The following PCDH15 variants were observed in gnomAD, a reference collection of about 807,000 sequenced individuals.
The protein encoded by PCDH15 is protocadherin related 15, also known as protocadherin-15.
In PCDH15, 129 loss-of-function variants were observed where a neutral mutation model predicts 178.5. The ratio of observed to expected loss-of-function variants is 0.72; its 90% CI spans 0.63 to 0.84. The LOEUF (loss-of-function observed/expected upper bound fraction) is 0.84, where lower values mean the gene tolerates loss of function less well. Ranked by LOEUF, PCDH15 falls within the 40% of genes least tolerant of loss-of-function variation. PCDH15 has a pLI of 0.00. For synonymous variants in PCDH15, 800 were observed against 732.0 expected (o/e 1.09, Z -1.50); for missense variants, 2,230 against 2,099.9 (o/e 1.06, Z -1.21).
chr10:54,877,316 T>A (rs1197482305), intron 3 of PCDH15, among the ~76,000 whole-genome samples: 2 of 152,172 alleles, frequency 1.3e-5, no homozygotes. Context: ...ACACACAATA[T>A]CTTCACAGTA....
intron 2 of PCDH15, among the ~76,000 whole-genome samples, chr10:55,076,200 A>C: frequency 6.6e-6 from 1 of 152,126 alleles, no homozygotes; most frequent in East Asian, 1.9e-4. Flanking sequence ...AAGAATGTAT[A>C]TTTTGCAGTT....
rs960803847 is a variant in PCDH15, at chr10:55,547,216, A to G, written c.-156+80409T>C. ...GCTTCCCTTTAACTAATATGAAGGC[A>G]TATCAGAGAGGATCCCCTCCATGGT... On this transcript the variant is annotated intron_variant, in intron 2 of 5. Transcript: ENST00000613346. Among the ~76,000 whole-genome samples the G allele has an allele frequency of 2.0e-5, 3 of 152,298 alleles. 1 individual carries two copies. The highest frequency in any genetic ancestry group is 4.1e-4 in the South Asian group (2 of 4,834).
intron 2 of PCDH15, among the ~76,000 whole-genome samples, chr10:54,903,580 T>TG (rs1334130336): frequency 6.6e-6 from 1 of 151,802 alleles, no homozygotes; most frequent in African/African-American, 2.4e-5. Flanking sequence ...GTTTTTTTTT[T>TG]GGGAAAAAGT....
chr10:54,803,162 T>C (rs2133718521), upstream of PCDH15, among the ~76,000 whole-genome samples: 1 of 152,296 alleles, frequency 6.6e-6, no homozygotes, highest in African/African-American at 2.4e-5. Context: ...CTCCCCTGCA[T>C]TGTAAAGTCC....
intron 1 of PCDH15, among the ~76,000 whole-genome samples, chr10:55,257,471 T>C (rs879979936): frequency 6.6e-6 from 1 of 151,984 alleles, no homozygotes; most frequent in Non-Finnish European, 1.5e-5. Context: ...GTTAAAAACC[T>C]TGAAAAAAAA....
chr10:54,978,061 A>T (rs568064689), intron 2 of PCDH15, among the ~76,000 whole-genome samples: 1 of 152,322 alleles, frequency 6.6e-6, no homozygotes, highest in Admixed American at 6.5e-5. Flanking sequence ...CCTGAATTAA[A>T]TTCGAGAAAG....
chr10:54,760,959 C>A (rs1467904478), intron 1 of PCDH15, among the ~76,000 whole-genome samples: 3 of 152,020 alleles, frequency 2.0e-5, no homozygotes, highest in African/African-American at 7.3e-5. Flanking sequence ...CAATACTATA[C>A]AATACAATAT....
intron 2 of PCDH15, among the ~76,000 whole-genome samples, chr10:55,030,670 T>C (rs1043979737): frequency 1.3e-5 from 2 of 152,214 alleles, no homozygotes; most frequent in Non-Finnish European, 2.9e-5. Context: ...CTGTTTTGTT[T>C]ATTTAAACTA....
intron 13 of PCDH15, among the ~76,000 whole-genome samples, chr10:54,168,515 T>TCCTCACA (rs1363385310): frequency 3.3e-5 from 5 of 152,146 alleles, no homozygotes; most frequent in Non-Finnish European, 7.3e-5. Context: ...TCGCCTCCCC[T>TCCTCACA]CCTCACACCT....
At position 54,439,818 on chromosome 10, in the gene PCDH15, C is replaced by T. The variant is rs1032124111; in HGVS notation, c.158-60876G>A. On this transcript the variant is annotated intron_variant, in intron 3 of 37. Coordinates refer to ENST00000644397, the MANE Select transcript of PCDH15 (RefSeq NM_001384140.1). The stretch of plus-strand genomic sequence containing the variant: ...CCAGTTTCTCAAAAATGAGTAGAAA[C>T]GACTTTTCAATGCAAATGCCAGTTT... Among the ~76,000 whole-genome samples the T allele has an allele frequency of 3.2e-4, 48 of 151,904 alleles. 1 individual carries two copies. The highest frequency in any genetic ancestry group is 2.6e-3 in the Admixed American group (40 of 15,218).
intron 3 of PCDH15, among the ~76,000 whole-genome samples, chr10:54,806,720 G>A (rs1297263017): frequency 6.6e-6 from 1 of 152,020 alleles, no homozygotes; most frequent in Non-Finnish European, 1.5e-5. Flanking sequence ...TCCTCACCTC[G>A]TGATCCACCC....
At chr10:55,522,387 T>C (rs1415477686) in intron 2 of PCDH15, among the ~76,000 whole-genome samples, 1 of 151,820 alleles carries the variant, frequency 6.6e-6, no homozygotes, top group African/African-American at 2.4e-5. Flanking sequence ...TCTGTCTGGA[T>C]GATCTATCCA....
chr10:54,111,871 A>G (rs2132711417), intron 15 of PCDH15, among the ~76,000 whole-genome samples: 1 of 151,740 alleles, frequency 6.6e-6, no homozygotes, highest in Middle Eastern at 3.4e-3. Context: ...TCACGCCTGT[A>G]GTCCCAGCAG....
intron 28 of PCDH15, among the ~76,000 whole-genome samples, chr10:53,843,680 C>T (rs1192409483): frequency 6.6e-6 from 1 of 151,794 alleles, no homozygotes; most frequent in Non-Finnish European, 1.5e-5. Flanking sequence ...ATTTCCTCTC[C>T]CCAACTTCGT....
chr10:55,336,559 A>G (rs575624605), intron 2 of PCDH15, among the ~76,000 whole-genome samples: 5 of 152,192 alleles, frequency 3.3e-5, no homozygotes, highest in Non-Finnish European at 4.4e-5. Context: ...AGTAATTCAT[A>G]AAACCTTTAT....
chr10:55,389,582 T>A (rs1397438633), intron 2 of PCDH15, among the ~76,000 whole-genome samples: 1 of 152,104 alleles, frequency 6.6e-6, no homozygotes, highest in South Asian at 2.1e-4. Context: ...TATTCATATA[T>A]CTCATATTAA....
At chr10:53,855,298 C>T (rs2078650393) in intron 28 of PCDH15, among the ~76,000 whole-genome samples, 1 of 151,942 alleles carries the variant, frequency 6.6e-6, no homozygotes, top group Non-Finnish European at 1.5e-5. Context: ...ACAACGGAAT[C>T]AGAGAAAGCC....
chr10:54,453,972 A>T (rs1264836571), intron 3 of PCDH15, among the ~76,000 whole-genome samples: 2 of 152,116 alleles, frequency 1.3e-5, no homozygotes, highest in Non-Finnish European at 2.9e-5. Context: ...ACAAATATAC[A>T]CAGGACTCTT....
At chr10:55,002,999 T>C in intron 2 of PCDH15, among the ~76,000 whole-genome samples, 1 of 152,304 alleles carries the variant, frequency 6.6e-6, no homozygotes, top group East Asian at 1.9e-4. Flanking sequence ...ATTTTCCTTA[T>C]TTTTATATAG....
Sources: allele counts gnomAD v4.1 joint callset (sites outside exome capture counted in the v4.1 genomes callset), GRCh38; gene constraint gnomAD v4.1.1; transcripts MANE v1.5; gene names NCBI Gene and HGNC (gene_info 2026-07-23, HGNC 2026-07-21).